OR4N2: variants seen among roughly 807,000 people sequenced by gnomAD.
OR4N2 encodes the protein olfactory receptor family 4 subfamily N member 2, also known as olfactory receptor 4N2.
For missense variants in OR4N2, 307 were observed against 377.6 expected (o/e 0.81, Z 1.55); for synonymous variants, 141 against 140.4 (o/e 1.00, Z -0.03).
At chr14:19,817,205 T>C (rs1173437285) in intron 1 of OR4N2, among the ~76,000 whole-genome samples, 4 of 152,212 alleles carry the variant, frequency 2.6e-5, no homozygotes, top group Non-Finnish European at 4.4e-5. Context: ...GCTGGCCTCA[T>C]AAAATGAGTT....
chr14:19,808,691 A>G (rs1292489211), intron 1 of OR4N2, among the ~76,000 whole-genome samples: 1 of 152,218 alleles, frequency 6.6e-6, no homozygotes, highest in Non-Finnish European at 1.5e-5. Flanking sequence ...CTCACTACCA[A>G]CACCATTCTT....
rs766284352 is a variant in OR4N2 at position 19,828,169 on chromosome 14, A to T, written c.721A>T (p.Ile241Phe). ...AAAAAACAAGGCCATGTCCACGTGC[A>T]TCACCCATATCATTGTTATATTCTT... ...EAKNKAMSTC[I>F]THIIVIFFMF... The change falls in exon 2 of 2, where the codon ATC becomes TTC. Residue 241 changes from isoleucine (I) to phenylalanine (F), a missense_variant. By Grantham distance (21) the Ile-to-Phe change is conservative. Transcript: ENST00000557677. The T allele has an allele frequency of 6.2e-7, 1 of 1,614,262 alleles. No homozygotes were observed. The highest frequency in any genetic ancestry group is 8.5e-7 in the Non-Finnish European group (1 of 1,180,038).
At chr14:19,821,070 A>T (rs1879553332) in intron 1 of OR4N2, among the ~76,000 whole-genome samples, 2 of 152,382 alleles carry the variant, frequency 1.3e-5, no homozygotes, top group African/African-American at 4.8e-5. Context: ...TAGGCACCTG[A>T]GGGAATCTCC....
chr14:19,820,282 C>T (rs1410514972), intron 1 of OR4N2, among the ~76,000 whole-genome samples: 1 of 152,268 alleles, frequency 6.6e-6, no homozygotes. Flanking sequence ...GTCTCTATCT[C>T]CTTCAGTTCT....
In OR4N2 at chr14:19,828,968, A is replaced by G. The variant is rs1286402540; in HGVS notation, c.*596A>G. 3.3e-5 allele frequency: 5 copies of G among 153,688 alleles called. No individual in the cohort carries two copies. The highest frequency in any genetic ancestry group is 1.2e-4 in the African/African-American group (5 of 41,480). 9.5% of individuals were successfully genotyped at this position (153,688 alleles called of 1,614,324 possible). On this transcript the variant is annotated 3_prime_UTR_variant, in exon 2 of 2. Transcript: ENST00000557677. Reference sequence around the variant, plus strand: ...AAATATGAGTTTTCATTTTATTACAATTACAATAAGAAGCCATTCTGTGGC... The same window carrying G: ...AAATATGAGTTTTCATTTTATTACAGTTACAATAAGAAGCCATTCTGTGGC...
chr14:19,827,395 A>G, intron 1 of OR4N2, 45 bp from the exon 2 acceptor site: 1 of 1,485,330 alleles, frequency 6.7e-7, no homozygotes, highest in African/African-American at 1.4e-5. Context: ...ATCTAGTTGG[A>G]AGACATAGTA....
At chr14:19,812,499 T>G (rs1879325790) in intron 1 of OR4N2, among the ~76,000 whole-genome samples, 1 of 147,914 alleles carries the variant, frequency 6.8e-6, no homozygotes, top group African/African-American at 2.6e-5. Flanking sequence ...CGAGATAATT[T>G]TTTTGTTTGT....
At chr14:19,812,364 TCGC>T (rs1291806614) in intron 1 of OR4N2, among the ~76,000 whole-genome samples, 1 of 146,634 alleles carries the variant, frequency 6.8e-6, no homozygotes, top group Non-Finnish European at 1.5e-5. Flanking sequence ...TCTCGCTCTG[TCGC>T]CCAGGCTGGA....
At chr14:19,825,033 A>G (rs1229780406) in intron 1 of OR4N2, among the ~76,000 whole-genome samples, 1 of 152,290 alleles carries the variant, frequency 6.6e-6, no homozygotes, top group Non-Finnish European at 1.5e-5. Flanking sequence ...AGTAGAATAA[A>G]TGTTGAGACA....
At chr14:19,809,688 A>G (rs542911400) in intron 1 of OR4N2, among the ~76,000 whole-genome samples, 19 of 152,272 alleles carry the variant, frequency 1.2e-4, no homozygotes, top group Non-Finnish European at 2.8e-4. Context: ...GAGGCCAGAA[A>G]TAGTGCTGCA....
chr14:19,820,810 C>T (rs1247779856), intron 1 of OR4N2, among the ~76,000 whole-genome samples: 6 of 152,074 alleles, frequency 3.9e-5, no homozygotes, highest in Non-Finnish European at 1.5e-5. Flanking sequence ...AGGTGAACTT[C>T]AGAGTGCTGT....
chr14:19,818,549 A>T (rs1248707091), intron 1 of OR4N2, among the ~76,000 whole-genome samples: 1 of 152,102 alleles, frequency 6.6e-6, no homozygotes, highest in African/African-American at 2.4e-5. Flanking sequence ...ATTTTCCTCC[A>T]TCCCTTCATT....
chr14:19,819,265 T>C (rs1879503191), intron 1 of OR4N2, among the ~76,000 whole-genome samples: 1 of 152,266 alleles, frequency 6.6e-6, no homozygotes, highest in South Asian at 2.1e-4. Context: ...TCCTGGATAA[T>C]ATCCTGAAGA....
Position 19,807,291 on chromosome 14 carries a change from T to A in OR4N2, c.-10+3447T>A, listed in dbSNP as rs11850731. ...ACGTACAAAAGGTCAGTGAAACCAA[T>A]AATTGGTCCTTCAAAATAAAAATAA... On this transcript the variant is annotated intron_variant, in intron 1 of 1. Transcript: ENST00000557677. Among the ~76,000 whole-genome samples the A allele has an allele frequency of 3.5e-3, 534 of 151,180 alleles. 1 individual carries two copies. The highest frequency in any genetic ancestry group is 0.012 in the African/African-American group (511 of 41,242).
chr14:19,824,578 C>T (rs1879645310), intron 1 of OR4N2, among the ~76,000 whole-genome samples: 1 of 152,232 alleles, frequency 6.6e-6, no homozygotes, highest in Admixed American at 6.5e-5. Flanking sequence ...GTTTGAACCA[C>T]ACAGGTCCAC....
chr14:19,819,600 G>T (rs1445283965), intron 1 of OR4N2, among the ~76,000 whole-genome samples: 3 of 152,176 alleles, frequency 2.0e-5, no homozygotes, highest in Non-Finnish European at 2.9e-5. Context: ...CCTTTTTCAA[G>T]GTTCTTAGCT....
At chr14:19,816,263 G>A (rs930685873) in intron 1 of OR4N2, among the ~76,000 whole-genome samples, 1 of 151,750 alleles carries the variant, frequency 6.6e-6, no homozygotes, top group African/African-American at 2.4e-5. Flanking sequence ...GATGGGGATA[G>A]CATTGAATCT....
rs1259158715 is a variant in OR4N2, at chr14:19,829,518, G to C, written c.*1146G>C. 2 of 152,056 alleles carry C rather than the reference G, an allele frequency of 1.3e-5. No homozygotes were observed. Among genetic ancestry groups the C allele is most frequent in the African/African-American group, 4.8e-5 (2 of 41,312 alleles). 9.4% of individuals were successfully genotyped at this position (152,056 alleles called of 1,614,324 possible). A position where few individuals can be genotyped will look rare whatever the true frequency, so the allele number is the denominator to read the frequency against. On this transcript the variant is annotated 3_prime_UTR_variant, in exon 2 of 2. Transcript: ENST00000557677. ...CTAACACAGGTGACCAATGTTGTCA[G>C]GGAAGTTGTTCTTGCTACAATCTTA... is the stretch of plus-strand genomic sequence containing the variant.
At position 19,830,063 on chromosome 14, in the gene OR4N2, A is replaced by T. The variant is rs1879828846; in HGVS notation, c.*1691A>T. The T allele has an allele frequency of 6.6e-6, 1 of 152,594 alleles. No homozygotes were observed. 9.5% of individuals were successfully genotyped at this position (152,594 alleles called of 1,614,324 possible). A position where few individuals can be genotyped will look rare whatever the true frequency, so the allele number is the denominator to read the frequency against. On this transcript the variant is annotated 3_prime_UTR_variant, in exon 2 of 2. Coordinates refer to ENST00000557677, the MANE Select transcript of OR4N2 (RefSeq NM_001004723.3). ...TGCTCCTACAGAAGTAAACCCTTCC[A>T]CCTGTGCACCAGATTCCATCCCCCT...
Sources: allele counts gnomAD v4.1 joint callset (sites outside exome capture counted in the v4.1 genomes callset), GRCh38; gene constraint gnomAD v4.1.1; transcripts MANE v1.5; gene names NCBI Gene and HGNC (gene_info 2026-07-23, HGNC 2026-07-21).